Variants in L3MBTL4 observed in about 807,000 individuals in gnomAD.
L3MBTL4 encodes the protein lethal(3)malignant brain tumor-like protein 4.
In L3MBTL4, 70 loss-of-function variants were observed where a neutral mutation model predicts 84.5. That is an observed-to-expected ratio of 0.83 (90% confidence interval 0.68 to 1.01). The LOEUF (loss-of-function observed/expected upper bound fraction) is 1.01, where lower values mean the gene tolerates loss of function less well. Among genes scored for constraint, L3MBTL4 ranks in the 50% least tolerant of loss-of-function variants. L3MBTL4 has a pLI of 0.00. For missense variants in L3MBTL4, 715 were observed against 754.8 expected (o/e 0.95, Z 0.62); for synonymous variants, 274 against 259.8 (o/e 1.05, Z -0.52).
At chr18:6,257,645 CTTTTTTTTTTTT>C (rs770563046) in intron 5 of L3MBTL4, among the ~76,000 whole-genome samples, 2 of 127,506 alleles carry the variant, frequency 1.6e-5, no homozygotes, top group South Asian at 2.6e-4. Flanking sequence ...TTTTCTTTTT[CTTTTTTTTTTTT>C]TTTTTTTAAA....
At chr18:6,106,801 T>C (rs752712652) in intron 14 of L3MBTL4, among the ~76,000 whole-genome samples, 1 of 152,136 alleles carries the variant, frequency 6.6e-6, no homozygotes, top group African/African-American at 2.4e-5. Flanking sequence ...TTGGTTAAAG[T>C]CAGGATTAGG....
intron 16 of L3MBTL4, chr18:6,030,231 C>G: frequency 2.2e-6 from 2 of 924,372 alleles, no homozygotes; most frequent in Non-Finnish European, 2.6e-6. Context: ...AAACTGAAGG[C>G]TGAGGATCAG....
intron 10 of L3MBTL4, among the ~76,000 whole-genome samples, chr18:6,231,421 T>C (rs1447543582): frequency 1.3e-5 from 2 of 152,200 alleles, no homozygotes; most frequent in African/African-American, 2.4e-5. Context: ...CTCTCTATTC[T>C]GTTACATTGG....
intron 16 of L3MBTL4, among the ~76,000 whole-genome samples, chr18:6,025,865 G>A (rs533808988): frequency 9.9e-5 from 15 of 152,218 alleles, no homozygotes; most frequent in Non-Finnish European, 1.6e-4. Context: ...CCAGCCTGCC[G>A]CTCACTTCCT....
At chr18:6,295,346 C>CTCTCTCTCTATATATATATA (rs1261475809) in intron 4 of L3MBTL4, among the ~76,000 whole-genome samples, 2 of 81,380 alleles carry the variant, frequency 2.5e-5, no homozygotes, top group African/African-American at 1.3e-4. Context: ...CTCTCTCTCT[C>CTCTCTCTCTATATATATATA]TATATATATA....
At chr18:6,339,201 T>C (rs989916013) in intron 1 of L3MBTL4, among the ~76,000 whole-genome samples, 3 of 152,124 alleles carry the variant, frequency 2.0e-5, no homozygotes, top group Non-Finnish European at 4.4e-5. Context: ...AATAAAAAAA[T>C]GTCCTTCAAA....
chr18:6,063,498 T>C (rs1039769886), intron 16 of L3MBTL4, among the ~76,000 whole-genome samples: 17 of 152,196 alleles, frequency 1.1e-4, no homozygotes, highest in East Asian at 7.7e-4. Flanking sequence ...GTAAAAGTGT[T>C]CCCTTTTCAC....
chr18:6,035,048 G>C (rs1447152976), intron 16 of L3MBTL4, among the ~76,000 whole-genome samples: 1 of 151,506 alleles, frequency 6.6e-6, no homozygotes, highest in East Asian at 1.9e-4. Flanking sequence ...CTGGATATTA[G>C]CCCTTTGTCA....
chr18:6,039,064 C>G (rs1188250443), intron 16 of L3MBTL4, among the ~76,000 whole-genome samples: 2 of 151,940 alleles, frequency 1.3e-5, no homozygotes, highest in African/African-American at 2.4e-5. Flanking sequence ...CAGCCCCATG[C>G]ATACACATAC....
At chr18:6,283,190 G>A (rs940703418) in intron 4 of L3MBTL4, among the ~76,000 whole-genome samples, 3 of 152,126 alleles carry the variant, frequency 2.0e-5, no homozygotes, top group Non-Finnish European at 2.9e-5. Context: ...ACTTACTAAA[G>A]GCCAAGCACA....
At chr18:6,280,432 G>A (rs1024232008) in intron 4 of L3MBTL4, among the ~76,000 whole-genome samples, 1 of 152,154 alleles carries the variant, frequency 6.6e-6, no homozygotes, top group African/African-American at 2.4e-5. Context: ...TGCAATAGCT[G>A]TTAGACCTAA....
intron 5 of L3MBTL4, 30 bp downstream of exon 5, chr18:6,263,917 T>C (rs975632813): frequency 2.0e-6 from 3 of 1,495,324 alleles, no homozygotes; most frequent in Non-Finnish European, 9.3e-7. Flanking sequence ...GTTGCTTCCT[T>C]GCAAAAATAT....
chr18:5,975,602 A>G (rs1235884112), intron 16 of L3MBTL4, among the ~76,000 whole-genome samples: 2 of 152,230 alleles, frequency 1.3e-5, no homozygotes, highest in African/African-American at 4.8e-5. Flanking sequence ...ACGTGCTTGA[A>G]GCTATCATTT....
At chr18:6,256,295 G>A (rs1000808059) in intron 5 of L3MBTL4, among the ~76,000 whole-genome samples, 1 of 152,116 alleles carries the variant, frequency 6.6e-6, no homozygotes, top group African/African-American at 2.4e-5. Flanking sequence ...TCAGGCATAG[G>A]TGAAGAACTT....
At chr18:6,246,895 C>G (rs935745228) in intron 5 of L3MBTL4, among the ~76,000 whole-genome samples, 3 of 151,416 alleles carry the variant, frequency 2.0e-5, no homozygotes, top group Admixed American at 1.3e-4. Flanking sequence ...CAGAGTGAAA[C>G]TCCAACTAAA....
At chr18:6,104,313 T>A (rs542989552) in intron 14 of L3MBTL4, among the ~76,000 whole-genome samples, 113 of 151,994 alleles carry the variant, frequency 7.4e-4, no homozygotes, top group African/African-American at 2.7e-3. Flanking sequence ...AGACAAGAGG[T>A]GGAAAGAATC....
intron 1 of L3MBTL4, among the ~76,000 whole-genome samples, chr18:6,333,132 T>C (rs970129490): frequency 6.6e-6 from 1 of 151,674 alleles, no homozygotes; most frequent in Non-Finnish European, 1.5e-5. Flanking sequence ...AAAAAACATA[T>C]GGCATTTAAA....
At chr18:6,252,460 C>T (rs1384013469) in intron 5 of L3MBTL4, among the ~76,000 whole-genome samples, 1 of 152,008 alleles carries the variant, frequency 6.6e-6, no homozygotes, top group East Asian at 1.9e-4. Context: ...ACATGATTTA[C>T]ATATCTACAT....
At chr18:6,288,369 T>C (rs969189509) in intron 4 of L3MBTL4, among the ~76,000 whole-genome samples, 8 of 152,204 alleles carry the variant, frequency 5.3e-5, no homozygotes, top group Admixed American at 2.0e-4. Flanking sequence ...CTAACCCAAA[T>C]GTTTATTTTT....
Sources: gnomAD v4.1 joint callset for allele counts (sites outside exome capture counted in the v4.1 genomes callset) on GRCh38, gnomAD v4.1.1 for gene constraint, MANE v1.5 for transcripts, NCBI Gene and HGNC (gene_info 2026-07-23, HGNC 2026-07-21) for gene names.